Variants in TLK1 observed in about 807,000 individuals in gnomAD.
TLK1 encodes tousled like kinase 1, also known as serine/threonine-protein kinase tousled-like 1.
TLK1 carries 24 observed loss-of-function variants against 105.3 expected under a neutral mutation model. The ratio of observed to expected loss-of-function variants is 0.23; its 90% CI spans 0.17 to 0.32. The LOEUF (loss-of-function observed/expected upper bound fraction) is 0.32. Ranked by LOEUF, TLK1 falls within the 10% of genes least tolerant of loss-of-function variation. The pLI, the probability that TLK1 is intolerant of heterozygous loss-of-function variation, is 1.00. For synonymous variants in TLK1, 321 were observed against 310.4 expected (o/e 1.03, Z -0.36); for missense variants, 558 against 910.5 (o/e 0.61, Z 4.98).
At chr2:171,188,750 C>T (rs903139393) in intron 1 of TLK1, among the ~76,000 whole-genome samples, 3 of 144,310 alleles carry the variant, frequency 2.1e-5, no homozygotes, top group South Asian at 2.3e-4. Flanking sequence ...CGTGGTGGCA[C>T]GTGGTCCCAA....
chr2:171,217,904 C>T (rs892500839), intron 1 of TLK1, among the ~76,000 whole-genome samples: 5 of 152,094 alleles, frequency 3.3e-5, no homozygotes, highest in African/African-American at 9.7e-5. Flanking sequence ...GGGAAGAATA[C>T]CGTATTAGTT....
chr2:171,145,526 G>C (rs2105585879), intron 1 of TLK1, among the ~76,000 whole-genome samples: 1 of 151,858 alleles, frequency 6.6e-6, no homozygotes, highest in African/African-American at 2.4e-5. Context: ...GGAAGCGGAG[G>C]CTGCAGTGAG....
chr2:171,123,007 C>T (rs1427267029), intron 1 of TLK1, among the ~76,000 whole-genome samples: 1 of 151,462 alleles, frequency 6.6e-6, no homozygotes, highest in Admixed American at 6.6e-5. Flanking sequence ...CCACTTCACT[C>T]CAGCCTGGGT....
chr2:171,175,524 G>C (rs1190502445), intron 1 of TLK1, among the ~76,000 whole-genome samples: 1 of 152,112 alleles, frequency 6.6e-6, no homozygotes, highest in Non-Finnish European at 1.5e-5. Flanking sequence ...ATGAATTTTG[G>C]TATGGGAAGG....
At chr2:171,203,984 G>T (rs1035275842) in intron 1 of TLK1, among the ~76,000 whole-genome samples, 1 of 152,030 alleles carries the variant, frequency 6.6e-6, no homozygotes, top group Non-Finnish European at 1.5e-5. Flanking sequence ...CCGGTGGGGG[G>T]CAGAGCTTGC....
chr2:171,044,762 G>A (rs560365135), intron 11 of TLK1, among the ~76,000 whole-genome samples: 11 of 152,080 alleles, frequency 7.2e-5, no homozygotes, highest in South Asian at 6.2e-4. Context: ...AGATGCAGCC[G>A]GATGAGTTAA....
chr2:171,044,741 A>T (rs1332629385), intron 11 of TLK1, among the ~76,000 whole-genome samples: 3 of 152,362 alleles, frequency 2.0e-5, no homozygotes, highest in East Asian at 3.9e-4. Flanking sequence ...GCCCATAGAA[A>T]GAGACTGAGA....
rs779087825 is a variant in TLK1 at position 170,997,696 on chromosome 2, G to A, written c.2016+16C>T. 6.5e-6 allele frequency: 10 copies of A among 1,527,976 alleles called. No individual in the cohort carries two copies. The highest frequency in any genetic ancestry group is 2.7e-5 in the African/African-American group (2 of 72,918). 94.7% of individuals were successfully genotyped at this position (1,527,976 alleles called of 1,614,324 possible). ...TTTATCTCTGTAGAGCTGAAGGCTG[G>A]TAGAATTCAATTTACCTTTCTACCA... On this transcript the variant is annotated intron_variant, in intron 19 of 20. Coordinates refer to ENST00000431350, the MANE Select transcript of TLK1 (RefSeq NM_012290.5).
At position 171,055,147 on chromosome 2, in the gene TLK1, G is replaced by T; in HGVS notation, c.575C>A (p.Thr192Asn). ...SSVRPNSPSP[T>N]ALAFGDHPIV... ...AGGGTGGTCCCCAAATGCTAATGCAGTAGGAGAAGGGCTATTCGGTCGAAC... is the reference window on the plus strand; with the variant it reads ...AGGGTGGTCCCCAAATGCTAATGCATTAGGAGAAGGGCTATTCGGTCGAAC... Residue 192 changes from threonine (T) to asparagine (N), a missense_variant, in exon 7 of 21, where the codon ACT (threonine) becomes AAT (asparagine). Physicochemically the swap from Thr to Asn is moderately conservative, Grantham distance 65 (BLOSUM62 0). This residue lies in a region of TLK1 where 196 missense variants were observed against 239.3 expected (regional missense o/e 0.82). Transcript: ENST00000431350. The T allele has an allele frequency of 2.0e-6, 3 of 1,464,934 alleles. No individual in the cohort carries two copies. The highest frequency in any genetic ancestry group is 2.7e-6 in the Non-Finnish European group (3 of 1,110,522). The allele number at this position is 1,464,934 out of a possible 1,614,324, so 90.7% of individuals were successfully genotyped here.
At chr2:171,041,924 G>A (rs1457411086) in intron 11 of TLK1, among the ~76,000 whole-genome samples, 6 of 152,144 alleles carry the variant, frequency 3.9e-5, no homozygotes. Context: ...AAGTAGAGAT[G>A]TGACATTTTG....
intron 19 of TLK1, among the ~76,000 whole-genome samples, chr2:170,997,395 AGAG>A (rs1357905050): frequency 6.6e-6 from 1 of 152,176 alleles, no homozygotes; most frequent in African/African-American, 2.4e-5. Context: ...GGGGGGTGTA[AGAG>A]GAGGTCAAGT....
intron 12 of TLK1, among the ~76,000 whole-genome samples, chr2:171,023,414 T>TATACACAC (rs1553605868): frequency 6.8e-6 from 1 of 147,540 alleles, no homozygotes; most frequent in Non-Finnish European, 1.5e-5. Flanking sequence ...CACTCACACA[T>TATACACAC]ACACACACAC....
chr2:171,022,098 C>CACAG lies in TLK1; in HGVS notation c.1236+6240_1236+6241insCTGT, dbSNP rs760493142. On this transcript the variant is annotated intron_variant, in intron 12 of 20. Transcript: ENST00000431350. ...AGCCTGGGCGAAAAACACACACACA[C>CACAG]ACACACACACACACACACACACACA... Among the ~76,000 whole-genome samples, 494 of 151,094 alleles carry CACAG rather than the reference C, an allele frequency of 3.3e-3. 7 individuals are homozygous for CACAG. The highest frequency in any genetic ancestry group is 0.013 in the South Asian group (63 of 4,722).
intron 14 of TLK1, among the ~76,000 whole-genome samples, chr2:171,009,235 A>G (rs901242286): frequency 2.6e-5 from 4 of 151,732 alleles, no homozygotes; most frequent in African/African-American, 9.7e-5. Flanking sequence ...CCAAGTCAGA[A>G]GCAGAAACGA....
At chr2:171,007,540 T>C (rs1424404423) in intron 14 of TLK1, among the ~76,000 whole-genome samples, 1 of 152,012 alleles carries the variant, frequency 6.6e-6, no homozygotes, top group Non-Finnish European at 1.5e-5. Context: ...TGAAAAAAAC[T>C]CGTTATTATA....
At chr2:171,135,182 TA>T (rs1558961303) in intron 1 of TLK1, among the ~76,000 whole-genome samples, 1 of 152,074 alleles carries the variant, frequency 6.6e-6, no homozygotes, top group Non-Finnish European at 1.5e-5. Context: ...TTAATAATGA[TA>T]TATGACATGT....
chr2:171,057,073 G>A (rs529898435), intron 5 of TLK1, among the ~76,000 whole-genome samples: 48 of 152,040 alleles, frequency 3.2e-4, no homozygotes, highest in African/African-American at 1.2e-3. Flanking sequence ...CCCTCTAACA[G>A]CACAAAATCT....
chr2:171,149,225 G>C (rs543886314), intron 1 of TLK1, among the ~76,000 whole-genome samples: 7 of 150,824 alleles, frequency 4.6e-5, no homozygotes, highest in Admixed American at 3.3e-4. Context: ...GGTAGGGGCG[G>C]GCAGGGAGAA....
In TLK1 at chr2:171,160,716, G is replaced by T. The variant is rs972890664; in HGVS notation, c.-288C>A. 80 of 472,062 alleles carry T rather than the reference G, an allele frequency of 1.7e-4. No individual in the cohort carries two copies. Among genetic ancestry groups the T allele is most frequent in the Non-Finnish European group, 2.6e-4 (73 of 277,498 alleles). 29.2% of individuals were successfully genotyped at this position (472,062 alleles called of 1,614,324 possible). A position where few individuals can be genotyped will look rare whatever the true frequency, so the allele number is the denominator to read the frequency against. ...AAAGGAGCGCGGCGGCGGAGGCGTCGAGGGGGTGCCAGCCGGGCCGGGGTC... is the reference window on the plus strand; with the variant it reads ...AAAGGAGCGCGGCGGCGGAGGCGTCTAGGGGGTGCCAGCCGGGCCGGGGTC... On this transcript the variant is annotated 5_prime_UTR_variant, in exon 1 of 21. Transcript: ENST00000431350. The surrounding 1 kb of genome is among the most constrained non-coding windows in gnomAD (Gnocchi z 4.4).
Sources: allele counts gnomAD v4.1 joint callset (sites outside exome capture counted in the v4.1 genomes callset), GRCh38; gene constraint gnomAD v4.1.1; regional missense constraint gnomAD v4.1.1; non-coding constraint Gnocchi (gnomAD v3.1); transcripts MANE v1.5; gene names NCBI Gene and HGNC (gene_info 2026-07-23, HGNC 2026-07-21).